Variants in DYDC2 observed in about 807,000 individuals in gnomAD.
DYDC2 encodes the protein DPY30 domain-containing protein 2.
A neutral mutation model predicts 18.7 loss-of-function variants in DYDC2; 19 were observed. The observed-to-expected ratio is 1.02, with a 90% confidence interval of 0.71 to 1.49. DYDC2 has a LOEUF of 1.49. Among genes scored for constraint, DYDC2 ranks in the 40% most tolerant of loss-of-function variants. The pLI is 0.00. For synonymous variants in DYDC2, 63 were observed against 67.6 expected (o/e 0.93, Z 0.34); for missense variants, 179 against 205.1 (o/e 0.87, Z 0.78).
upstream of DYDC2, among the ~76,000 whole-genome samples, chr10:80,355,079 C>G (rs775971353): frequency 8.0e-5 from 12 of 149,120 alleles, no homozygotes; most frequent in Non-Finnish European, 1.2e-4. Context: ...GACATTTGAG[C>G]TAAGCTTACA....
chr10:80,363,583 C>T (rs1028153013), intron 4 of DYDC2, among the ~76,000 whole-genome samples: 7 of 150,464 alleles, frequency 4.7e-5, no homozygotes, highest in African/African-American at 1.5e-4. Flanking sequence ...CTCCTGACCT[C>T]ATGATCTGCC....
upstream of DYDC2, chr10:80,356,437 G>A (rs1026123660): frequency 2.0e-6 from 2 of 985,344 alleles, no homozygotes; most frequent in Non-Finnish European, 2.4e-6. Context: ...TATTGTATCT[G>A]GCAACCTCCC....
At chr10:80,366,547 T>C in intron 4 of DYDC2, 141 bp from the exon 5 acceptor site, 1 of 1,010,680 alleles carries the variant, frequency 9.9e-7, no homozygotes. Context: ...ATAGGTTTGG[T>C]TTTATGCTTT....
intron 2 of DYDC2, 115 bp from the exon 3 acceptor site, chr10:80,362,320 A>G (rs1843687339): frequency 1.1e-5 from 15 of 1,403,840 alleles, no homozygotes; most frequent in Non-Finnish European, 1.4e-5. Flanking sequence ...GAAAGGTGTG[A>G]TCCAGAAGCA....
At chr10:80,345,784 A>G (rs1000545992) in intron 1 of DYDC2, among the ~76,000 whole-genome samples, 3 of 152,220 alleles carry the variant, frequency 2.0e-5, no homozygotes, top group Non-Finnish European at 2.9e-5. Context: ...TTAAAGCTGA[A>G]TAATATTCTT....
intron 1 of DYDC2, among the ~76,000 whole-genome samples, chr10:80,347,179 T>C (rs1842700014): frequency 2.0e-5 from 3 of 152,006 alleles, no homozygotes; most frequent in Admixed American, 2.0e-4. Flanking sequence ...GTGTTGAACA[T>C]TACTTGTCAC....
intron 1 of DYDC2, among the ~76,000 whole-genome samples, chr10:80,349,695 T>C (rs774349094): frequency 6.6e-6 from 1 of 152,210 alleles, no homozygotes; most frequent in Non-Finnish European, 1.5e-5. Context: ...TAATGCAAAG[T>C]GTATTTGTTA....
chr10:80,361,149 G>C (rs979110012), intron 2 of DYDC2, among the ~76,000 whole-genome samples: 3 of 151,638 alleles, frequency 2.0e-5, no homozygotes, highest in East Asian at 1.9e-4. Context: ...AATCTCCTTT[G>C]ATCTATAACA....
At chr10:80,348,255 A>G (rs1842785320) in intron 1 of DYDC2, among the ~76,000 whole-genome samples, 1 of 152,214 alleles carries the variant, frequency 6.6e-6, no homozygotes, top group Non-Finnish European at 1.5e-5. Context: ...TTTTTCGAGT[A>G]AGTTATTGGT....
chr10:80,360,878 G>C (rs1843647554), intron 2 of DYDC2, among the ~76,000 whole-genome samples: 1 of 151,158 alleles, frequency 6.6e-6, no homozygotes, highest in Non-Finnish European at 1.5e-5. Flanking sequence ...TCCCACCTCA[G>C]CCCTGCCCCC....
chr10:80,365,512 C>T (rs1464338220), intron 4 of DYDC2, among the ~76,000 whole-genome samples: 1 of 152,002 alleles, frequency 6.6e-6, no homozygotes, highest in Non-Finnish European at 1.5e-5. Context: ...TGCATAGACT[C>T]AATAGTTTGA....
intron 1 of DYDC2, among the ~76,000 whole-genome samples, chr10:80,346,100 G>A (rs149328807): frequency 8.5e-5 from 13 of 152,204 alleles, no homozygotes; most frequent in Non-Finnish European, 1.3e-4. Flanking sequence ...CTCAGGCCTC[G>A]GCCTCCCAAA....
chr10:80,346,995 G>A (rs901718417), intron 1 of DYDC2, among the ~76,000 whole-genome samples: 2 of 151,886 alleles, frequency 1.3e-5, no homozygotes, highest in East Asian at 3.9e-4. Flanking sequence ...CAGGAGAATC[G>A]CTTGAACCCA....
chr10:80,359,866 C>T (rs910480459), intron 2 of DYDC2, among the ~76,000 whole-genome samples: 34 of 152,296 alleles, frequency 2.2e-4, no homozygotes, highest in African/African-American at 7.9e-4. Flanking sequence ...CCCGCCCGCG[C>T]CTCTCCCTCC....
intron 2 of DYDC2, among the ~76,000 whole-genome samples, chr10:80,359,899 G>A (rs1589531866): frequency 1.3e-5 from 2 of 152,258 alleles, no homozygotes; most frequent in South Asian, 2.1e-4. Context: ...AAGCAGAGCC[G>A]GCTCCGGCCT....
At position 80,363,819 on chromosome 10, in the gene DYDC2, C is replaced by A. The variant is rs200892116; in HGVS notation, c.270+746C>A. 6.6e-5 allele frequency among the ~76,000 whole-genome samples: 10 copies of A among 152,218 alleles called. No homozygotes were observed. The East Asian group carries it at 1.9e-3, about 29-fold the overall frequency. On this transcript the variant is annotated intron_variant, in intron 4 of 4. Transcript: ENST00000256039. Reference sequence around the variant, plus strand: ...TATTTAGTATTTGGTTTATTATATTCTATTTACTTTTCTGTGAAACTTCAG... The same window carrying A: ...TATTTAGTATTTGGTTTATTATATTATATTTACTTTTCTGTGAAACTTCAG...
intron 1 of DYDC2, among the ~76,000 whole-genome samples, chr10:80,347,139 T>G (rs1435812744): frequency 6.6e-6 from 1 of 151,686 alleles, no homozygotes; most frequent in Non-Finnish European, 1.5e-5. Flanking sequence ...CTCATAGTGG[T>G]TTTGATTTGC....
intron 1 of DYDC2, among the ~76,000 whole-genome samples, chr10:80,349,712 A>G (rs1033978782): frequency 6.6e-6 from 1 of 152,226 alleles, no homozygotes; most frequent in Non-Finnish European, 1.5e-5. Context: ...GTTAAATAAC[A>G]GTCAGATTGA....
intron 2 of DYDC2, among the ~76,000 whole-genome samples, chr10:80,362,001 G>A (rs1428936786): frequency 1.3e-5 from 2 of 152,206 alleles, no homozygotes; most frequent in African/African-American, 4.8e-5. Flanking sequence ...CCTTGCAGTG[G>A]AGAGAGCTAG....
Sources: allele counts gnomAD v4.1 joint callset (sites outside exome capture counted in the v4.1 genomes callset), GRCh38; gene constraint gnomAD v4.1.1; transcripts MANE v1.5; gene names NCBI Gene and HGNC (gene_info 2026-07-23, HGNC 2026-07-21).